Variants in NXPH2 observed in about 807,000 individuals in gnomAD.
NXPH2 encodes the protein neurexophilin 2.
A neutral mutation model predicts 19.8 loss-of-function variants in NXPH2; 5 were observed. That is an observed-to-expected ratio of 0.25 (90% CI 0.13 to 0.53). The LOEUF (loss-of-function observed/expected upper bound fraction) is 0.53, where lower values mean the gene tolerates loss of function less well. NXPH2 is among the 20% of genes least tolerant of loss of function. NXPH2 has a pLI of 0.96. For synonymous variants in NXPH2, 154 were observed against 127.4 expected (o/e 1.21, Z -1.41); for missense variants, 289 against 322.8 (o/e 0.90, Z 0.80).
Position 138,701,291 on chromosome 2 carries a change from T to C in NXPH2, c.52-29626A>G, listed in dbSNP as rs183418988. On this transcript the variant is annotated intron_variant, in intron 1 of 1. Coordinates refer to ENST00000272641, the MANE Select transcript of NXPH2 (RefSeq NM_007226.3). The stretch of plus-strand genomic sequence containing the variant: ...TATCAGCCAGCCTAGGGAATGCCCA[T>C]TGGTTGGCAGAACTGAATGCAATTA... 5.0e-4 allele frequency among the ~76,000 whole-genome samples: 76 copies of C among 152,244 alleles called. 1 individual carries two copies. The highest frequency in any genetic ancestry group is 4.1e-3 in the Admixed American group (63 of 15,286).
chr2:138,752,821 G>A (rs1681846867), intron 1 of NXPH2, among the ~76,000 whole-genome samples: 1 of 152,112 alleles, frequency 6.6e-6, no homozygotes, highest in Non-Finnish European at 1.5e-5. Context: ...TTTAAAGAAT[G>A]TGCTACAAGT....
At chr2:138,752,553 G>A (rs1681842900) in intron 1 of NXPH2, among the ~76,000 whole-genome samples, 1 of 152,036 alleles carries the variant, frequency 6.6e-6, no homozygotes, top group Admixed American at 6.6e-5. Context: ...AATTTCCCTA[G>A]TTTCAACATC....
chr2:138,671,058 A>C lies in NXPH2; in HGVS notation c.659T>G (p.Val220Gly). 6.2e-7 allele frequency: 1 copy of C among 1,614,056 alleles called. No homozygotes were observed. The highest frequency in any genetic ancestry group is 8.5e-7 in the Non-Finnish European group (1 of 1,179,892). ...ICYQEQTQSH[V>G]SWLCSKPFKV... is the part of the protein sequence containing the mutation. ...GAAGGGCTTGGAGCACAACCAAGACACATGGCTCTGAGTCTGCTCCTGGTA... is the reference window on the plus strand; with the variant it reads ...GAAGGGCTTGGAGCACAACCAAGACCCATGGCTCTGAGTCTGCTCCTGGTA... Residue 220 changes from valine (V) to glycine (G), a missense_variant, in exon 2 of 2, where the codon GTG (valine) becomes GGG (glycine). Coordinates refer to ENST00000272641, the MANE Select transcript of NXPH2 (RefSeq NM_007226.3).
At chr2:138,756,772 T>C (rs1289908897) in intron 1 of NXPH2, among the ~76,000 whole-genome samples, 2 of 152,208 alleles carry the variant, frequency 1.3e-5, no homozygotes, top group African/African-American at 4.8e-5. Flanking sequence ...CTAGTTAGTA[T>C]ATCTGACAGG....
Position 138,671,013 on chromosome 2 carries a change from A to G in NXPH2, c.704T>C (p.Ile235Thr). Reference sequence around the variant, plus strand: ...TTTATAATCAACACTGTAAAAGGCAATGTAAATGCAAATGACCTTGAAGGG... The same window carrying G: ...TTTATAATCAACACTGTAAAAGGCAGTGTAAATGCAAATGACCTTGAAGGG... The part of the protein sequence containing the change: ...SKPFKVICIY[I>T]AFYSVDYKLV... The change falls in exon 2 of 2, where the codon ATT (isoleucine) becomes ACT (threonine). Residue 235 changes from isoleucine (I) to threonine (T), a missense_variant. Transcript: ENST00000272641. The G allele has an allele frequency of 6.2e-7, 1 of 1,614,002 alleles. No individual in the cohort carries two copies.
intron 1 of NXPH2, among the ~76,000 whole-genome samples, chr2:138,719,207 T>C (rs908094178): frequency 6.6e-6 from 1 of 152,158 alleles, no homozygotes; most frequent in Non-Finnish European, 1.5e-5. Flanking sequence ...TGTCTATATA[T>C]ATTTTTGTGG....
chr2:138,701,425 A>T (rs996410954), intron 1 of NXPH2, among the ~76,000 whole-genome samples: 1 of 152,202 alleles, frequency 6.6e-6, no homozygotes, highest in Non-Finnish European at 1.5e-5. Flanking sequence ...AAGGAAGAAG[A>T]AAGCAAGGGG....
intron 1 of NXPH2, among the ~76,000 whole-genome samples, chr2:138,719,490 T>C (rs1199941152): frequency 1.3e-5 from 2 of 152,346 alleles, no homozygotes; most frequent in East Asian, 1.9e-4. Flanking sequence ...TAAATAACTT[T>C]CATACTTTTT....
intron 1 of NXPH2, among the ~76,000 whole-genome samples, chr2:138,759,325 G>A (rs1027362830): frequency 4.6e-5 from 7 of 152,126 alleles, no homozygotes; most frequent in African/African-American, 1.2e-4. Context: ...AAGCAGGCTA[G>A]TGGTGGCACA....
intron 1 of NXPH2, among the ~76,000 whole-genome samples, chr2:138,730,058 T>C (rs958542512): frequency 6.6e-6 from 1 of 152,164 alleles, no homozygotes; most frequent in Non-Finnish European, 1.5e-5. Context: ...TTTTGCCGTG[T>C]CCTCATTATG....
At chr2:138,724,017 G>C (rs1681319403) in intron 1 of NXPH2, among the ~76,000 whole-genome samples, 1 of 148,824 alleles carries the variant, frequency 6.7e-6, no homozygotes, top group African/African-American at 2.5e-5. Flanking sequence ...GGGATTTATT[G>C]TACAGATTAT....
At position 138,780,292 on chromosome 2, in the gene NXPH2, C is replaced by A. The variant is rs1179093774; in HGVS notation, c.-51G>T. 4 of 1,381,464 alleles carry A rather than the reference C, an allele frequency of 2.9e-6. No homozygotes were observed. The highest frequency in any genetic ancestry group is 1.5e-5 in the African/African-American group (1 of 65,358). The allele number at this position is 1,381,464 out of a possible 1,614,324, so 85.6% of individuals were successfully genotyped here. On this transcript the variant is annotated 5_prime_UTR_variant, in exon 1 of 2. It introduces an in-frame stop codon into an upstream open reading frame of the 5' UTR. Coordinates refer to ENST00000272641, the MANE Select transcript of NXPH2 (RefSeq NM_007226.3). Reference sequence around the variant, plus strand: ...GAGCTGCGCGCCCTCGCCTGCCTCTCGCGCATCTCCACTTCGCGGGGCAGG... The same window carrying A: ...GAGCTGCGCGCCCTCGCCTGCCTCTAGCGCATCTCCACTTCGCGGGGCAGG...
chr2:138,775,302 T>C lies in NXPH2; in HGVS notation c.51+4889A>G, dbSNP rs1252407832. Among the ~76,000 whole-genome samples the C allele has an allele frequency of 1.3e-5, 2 of 152,160 alleles. 1 individual carries two copies. The highest frequency in any genetic ancestry group is 4.1e-4 in the South Asian group (2 of 4,832). On this transcript the variant is annotated intron_variant, in intron 1 of 1. Transcript: ENST00000272641. ...TTGAGAGTTTTAATCTAGATTTTCA[T>C]AAGTTAAAAAATAACATAAAATAGA...
At chr2:138,717,132 A>C (rs911176507) in intron 1 of NXPH2, among the ~76,000 whole-genome samples, 5 of 152,206 alleles carry the variant, frequency 3.3e-5, no homozygotes, top group African/African-American at 9.6e-5. Flanking sequence ...AGCTGTAAAA[A>C]AGAAGGAAGG....
At chr2:138,691,471 C>T (rs879557894) in intron 1 of NXPH2, among the ~76,000 whole-genome samples, 4 of 152,106 alleles carry the variant, frequency 2.6e-5, no homozygotes, top group Non-Finnish European at 5.9e-5. Context: ...GTGAATGATT[C>T]TGATAGTTTT....
intron 1 of NXPH2, among the ~76,000 whole-genome samples, chr2:138,764,766 T>C (rs1470937763): frequency 6.6e-6 from 1 of 152,178 alleles, no homozygotes; most frequent in African/African-American, 2.4e-5. Context: ...CTCTTCCCAG[T>C]AGGAAAGTTA....
Position 138,726,519 on chromosome 2 carries a change from A to AACACACAC in NXPH2, c.51+53664_51+53671dup, listed in dbSNP as rs57428467. Among the ~76,000 whole-genome samples, 114 of 146,560 alleles carry AACACACAC rather than the reference A, an allele frequency of 7.8e-4. 1 individual carries two copies. Among genetic ancestry groups the AACACACAC allele is most frequent in the African/African-American group, 1.9e-3 (76 of 39,534 alleles). Reference sequence around the variant, plus strand: ...CTTTTTGGAAAAAAGTAAAAAAAGAAACACACACACACACACACACACACA... The same window carrying AACACACAC: ...CTTTTTGGAAAAAAGTAAAAAAAGAAACACACACACACACACACACACACACACACACA... On this transcript the variant is annotated intron_variant, in intron 1 of 1. Transcript: ENST00000272641.
At chr2:138,686,532 A>C (rs904221840) in intron 1 of NXPH2, among the ~76,000 whole-genome samples, 5 of 147,344 alleles carry the variant, frequency 3.4e-5, no homozygotes, top group African/African-American at 1.2e-4. Context: ...AAGTTGTAGA[A>C]ATTGTTATTT....
intron 1 of NXPH2, among the ~76,000 whole-genome samples, chr2:138,734,631 C>G (rs1433609878): frequency 6.6e-6 from 1 of 152,112 alleles, no homozygotes; most frequent in Non-Finnish European, 1.5e-5. Context: ...ATAAAGGTGA[C>G]AGCAATAAGC....
Sources: gnomAD v4.1 joint callset for allele counts (sites outside exome capture counted in the v4.1 genomes callset) on GRCh38, gnomAD v4.1.1 for gene constraint, MANE v1.5 for transcripts, NCBI Gene and HGNC (gene_info 2026-07-23, HGNC 2026-07-21) for gene names.